The following NUDT4 variants were observed in gnomAD, a reference collection of about 807,000 sequenced individuals.
NUDT4 encodes the protein diphosphoinositol polyphosphate phosphohydrolase 2.
Under a neutral mutation model 23.1 loss-of-function variants are expected in NUDT4, and 5 were observed. The observed-to-expected ratio is 0.22, with a 90% CI of 0.11 to 0.46. NUDT4 has a LOEUF of 0.46. Ranked by LOEUF, NUDT4 falls within the 20% of genes least tolerant of loss-of-function variation. The probability of loss-of-function intolerance (pLI) is 0.99; values close to 1 mark genes in which losing one functional copy is unlikely to be tolerated. For synonymous variants in NUDT4, 50 were observed against 79.0 expected (o/e 0.63, Z 1.95); for missense variants, 96 against 211.6 (o/e 0.45, Z 3.39).
In NUDT4 at chr12:93,378,122, G is replaced by C. The variant is rs1363392048; in HGVS notation, c.-201G>C. On this transcript the variant is annotated 5_prime_UTR_variant, in exon 1 of 5. Transcript: ENST00000415493. ...CGGCACCCTGGTTCCAGTGACCCGC[G>C]CTAGCGTCCCGTCCCGCCCGCGTCG... 1 of 260,888 alleles carries C rather than the reference G, an allele frequency of 3.8e-6. No homozygotes were observed. The highest frequency in any genetic ancestry group is 7.2e-6 in the Non-Finnish European group (1 of 138,460). 16.2% of individuals were successfully genotyped at this position (260,888 alleles called of 1,614,324 possible). A position where few individuals can be genotyped will look rare whatever the true frequency, so the allele number is the denominator to read the frequency against.
intron 3 of NUDT4, among the ~76,000 whole-genome samples, chr12:93,396,487 T>C (rs1876942320): frequency 6.6e-6 from 1 of 152,232 alleles, no homozygotes; most frequent in South Asian, 2.1e-4. Context: ...TTCAGGGTGC[T>C]GTTTATAGGT....
chr12:93,385,941 T>TATATA (rs1565777284), intron 1 of NUDT4, among the ~76,000 whole-genome samples: 2,156 of 104,504 alleles, frequency 0.021, 68 homozygotes, highest in East Asian at 0.06. Flanking sequence ...GTAAATCTTT[T>TATATA]TATATATATA....
rs1877839256 is a variant in NUDT4 at position 93,406,719 on chromosome 12, A to G, written c.*7340A>G. 1 of 152,248 alleles carries G rather than the reference A, an allele frequency of 6.6e-6. No homozygotes were observed. The highest frequency in any genetic ancestry group is 6.5e-5 in the Admixed American group (1 of 15,278). 9.4% of individuals were successfully genotyped at this position (152,248 alleles called of 1,614,324 possible). Reference sequence around the variant, plus strand: ...TTATAATAGGTATTATAAGTAATCTAAATATTAACATAAGCGGGAGGATTT... The same window carrying G: ...TTATAATAGGTATTATAAGTAATCTGAATATTAACATAAGCGGGAGGATTT... On this transcript the variant is annotated 3_prime_UTR_variant, in exon 5 of 5. Coordinates refer to ENST00000415493, the MANE Select transcript of NUDT4 (RefSeq NM_019094.6).
rs1307050880 is a variant in NUDT4, at chr12:93,402,292, AAAAAC to A, written c.*2918_*2922del. The stretch of plus-strand genomic sequence containing the variant: ...GAAAAAATGATCATGGCTTTAAAAA[AAAAAC>A]AAAAACACACACACATGAACTCAGA... On this transcript the variant is annotated 3_prime_UTR_variant, in exon 5 of 5. Transcript: ENST00000415493. The A allele has an allele frequency of 6.6e-6, 1 of 152,212 alleles. No homozygotes were observed. Among genetic ancestry groups the A allele is most frequent in the African/African-American group, 2.4e-5 (1 of 41,452 alleles). The allele number at this position is 152,212 out of a possible 1,614,324, so 9.4% of individuals were successfully genotyped here.
chr12:93,378,556 T>TC, intron 1 of NUDT4, 135 bp downstream of exon 1: 1 of 1,305,420 alleles, frequency 7.7e-7, no homozygotes, highest in South Asian at 2.0e-5. Flanking sequence ...CCTCCTTTCC[T>TC]CCCTCACTCC....
chr12:93,388,220 T>C (rs932872198), intron 1 of NUDT4, among the ~76,000 whole-genome samples: 2 of 152,266 alleles, frequency 1.3e-5, no homozygotes, highest in African/African-American at 2.4e-5. Flanking sequence ...CTTCCTGAGA[T>C]GTCAAGGGAC....
intron 1 of NUDT4, among the ~76,000 whole-genome samples, chr12:93,379,538 G>A (rs1837218871): frequency 1.3e-5 from 2 of 152,144 alleles, no homozygotes; most frequent in African/African-American, 4.8e-5. Context: ...TTATGTTAAC[G>A]AAAAGTTCTC....
chr12:93,400,514 T>A lies in NUDT4; in HGVS notation c.*1135T>A, dbSNP rs1220384799. The A allele has an allele frequency of 1.3e-5, 2 of 152,276 alleles. No individual in the cohort carries two copies. The highest frequency in any genetic ancestry group is 2.9e-5 in the Non-Finnish European group (2 of 68,050). 9.4% of individuals were successfully genotyped at this position (152,276 alleles called of 1,614,324 possible). A position where few individuals can be genotyped will look rare whatever the true frequency, so the allele number is the denominator to read the frequency against. On this transcript the variant is annotated 3_prime_UTR_variant, in exon 5 of 5. Coordinates refer to ENST00000415493, the MANE Select transcript of NUDT4 (RefSeq NM_019094.6). The stretch of plus-strand genomic sequence containing the variant: ...CTCACTTAAAATCAAGAATCCCATC[T>A]AAAACACATAGGTACCTTATCTGAA...
At chr12:93,392,736 A>G (rs1299825107) in intron 1 of NUDT4, among the ~76,000 whole-genome samples, 2 of 106,690 alleles carry the variant, frequency 1.9e-5, no homozygotes, top group African/African-American at 7.5e-5. Flanking sequence ...CAGTGGTGCA[A>G]TCTCTGCTCA....
Position 93,378,365 on chromosome 12 carries a change from G to C in NUDT4, c.43G>C (p.Glu15Gln). 3.2e-6 allele frequency: 5 copies of C among 1,543,678 alleles called. No individual in the cohort carries two copies. In the East Asian group the frequency reaches 1.2e-4, roughly 37 times the overall value. ...CAACCAGACGCGGACCTACGACCGC[G>C]AGGGCTTCAAGAAGCGGGCGGCGTG... ...KPNQTRTYDR[E>Q]GFKKRAACLC... Residue 15 changes from glutamate (E) to glutamine (Q), a missense_variant, in exon 1 of 5, where the codon GAG becomes CAG. Physicochemically the swap from Glu to Gln is conservative, Grantham distance 29 (BLOSUM62 2). Transcript: ENST00000415493.
chr12:93,385,941 TTATATATATATA>T lies in NUDT4; in HGVS notation c.99+7539_99+7550del, dbSNP rs371683658. ...ATATATATATATATAGTAAATCTTT[TTATATATATATA>T]TATATATATATATATATACATAATT... On this transcript the variant is annotated intron_variant, in intron 1 of 4. Transcript: ENST00000415493. 1.7e-4 allele frequency among the ~76,000 whole-genome samples: 18 copies of T among 104,608 alleles called. 1 individual carries two copies. Among genetic ancestry groups the T allele is most frequent in the East Asian group, 6.7e-4 (2 of 2,968 alleles). 68.6% of individuals were successfully genotyped at this position (104,608 alleles called of 152,430 possible). A position where few individuals can be genotyped will look rare whatever the true frequency, so the allele number is the denominator to read the frequency against.
chr12:93,387,264 G>C (rs557115996), intron 1 of NUDT4, among the ~76,000 whole-genome samples: 1 of 152,134 alleles, frequency 6.6e-6, no homozygotes, highest in African/African-American at 2.4e-5. Flanking sequence ...TTTACAAAAC[G>C]TGTTTTTTCA....
intron 3 of NUDT4, among the ~76,000 whole-genome samples, chr12:93,397,685 G>A (rs1877033084): frequency 6.6e-6 from 1 of 152,022 alleles, no homozygotes; most frequent in Non-Finnish European, 1.5e-5. Context: ...ACCACGCCCG[G>A]CTAATATTTT....
rs530716040 is a variant in NUDT4 at position 93,388,625 on chromosome 12, G to T, written c.100-5984G>T. On this transcript the variant is annotated intron_variant, in intron 1 of 4. Coordinates refer to ENST00000415493, the MANE Select transcript of NUDT4 (RefSeq NM_019094.6). ...AATGGATTTAGTTTGGATACCATGT[G>T]CATGATGCTTCTTTCCTGCTAGCCC... Among the ~76,000 whole-genome samples, 4 of 152,312 alleles carry T rather than the reference G, an allele frequency of 2.6e-5. No homozygotes were observed. In the South Asian group the frequency reaches 8.3e-4, roughly 32 times the overall value.
intron 1 of NUDT4, 114 bp downstream of exon 1, chr12:93,378,535 C>A (rs1875376215): frequency 3.9e-6 from 5 of 1,294,574 alleles, no homozygotes; most frequent in Admixed American, 3.6e-5. Context: ...GATTAGCCCC[C>A]TTCCTCCCTC....
chr12:93,388,515 G>A (rs2120902942), intron 1 of NUDT4, among the ~76,000 whole-genome samples: 1 of 152,320 alleles, frequency 6.6e-6, no homozygotes, highest in South Asian at 2.1e-4. Context: ...TTAAGGTGGA[G>A]AACTTGTGCT....
intron 1 of NUDT4, among the ~76,000 whole-genome samples, chr12:93,387,133 T>G (rs1876162689): frequency 6.6e-6 from 1 of 152,074 alleles, no homozygotes; most frequent in African/African-American, 2.4e-5. Context: ...GGTTTCACCA[T>G]GTTGGCCAGG....
At chr12:93,378,477 G>A in intron 1 of NUDT4, 56 bp downstream of exon 1, 1 of 1,452,568 alleles carries the variant, frequency 6.9e-7, no homozygotes, top group Non-Finnish European at 9.2e-7. Context: ...TAGGGCCCGG[G>A]TGCTTCCCCT....
intron 1 of NUDT4, among the ~76,000 whole-genome samples, chr12:93,392,253 C>CT (rs763253750): frequency 8.0e-5 from 11 of 137,806 alleles, no homozygotes; most frequent in Non-Finnish European, 1.4e-4. Context: ...TCCCCCCCCC[C>CT]CTTTTTTTTT....
Sources: gnomAD v4.1 joint callset for allele counts (sites outside exome capture counted in the v4.1 genomes callset) on GRCh38, gnomAD v4.1.1 for gene constraint, MANE v1.5 for transcripts, NCBI Gene and HGNC (gene_info 2026-07-23, HGNC 2026-07-21) for gene names.